The following SLC25A21 variants were observed in gnomAD, a reference collection of about 807,000 sequenced individuals.
SLC25A21 encodes mitochondrial 2-oxodicarboxylate carrier.
Under a neutral mutation model 43.8 loss-of-function variants are expected in SLC25A21, and 47 were observed. That is an observed-to-expected ratio of 1.07 (90% CI 0.85 to 1.37). SLC25A21 has a LOEUF of 1.37. Among genes scored for constraint, SLC25A21 ranks in the 40% most tolerant of loss-of-function variants. The pLI is 0.00. For missense variants in SLC25A21, 352 were observed against 350.2 expected (o/e 1.00, Z -0.04); for synonymous variants, 131 against 121.3 (o/e 1.08, Z -0.52).
intron 1 of SLC25A21, among the ~76,000 whole-genome samples, chr14:37,160,965 G>A (rs1354434606): frequency 9.1e-6 from 1 of 110,010 alleles, no homozygotes; most frequent in Non-Finnish European, 1.8e-5. Flanking sequence ...AGGAGGAGGA[G>A]GAGAAAGAGG....
intron 1 of SLC25A21, among the ~76,000 whole-genome samples, chr14:37,127,537 C>T (rs763420063): frequency 7.9e-5 from 12 of 152,082 alleles, no homozygotes; most frequent in South Asian, 2.1e-4. Context: ...TAGTCAATGG[C>T]GAAAGCTCGA....
At chr14:36,714,437 A>C (rs1288356308) in intron 6 of SLC25A21, among the ~76,000 whole-genome samples, 1 of 152,196 alleles carries the variant, frequency 6.6e-6, no homozygotes, top group Non-Finnish European at 1.5e-5. Flanking sequence ...TGCCTCACCC[A>C]GGAGCTTTCC....
At chr14:36,882,348 A>C (rs959601696) in intron 1 of SLC25A21, among the ~76,000 whole-genome samples, 3 of 152,176 alleles carry the variant, frequency 2.0e-5, no homozygotes, top group African/African-American at 7.2e-5. Context: ...ATGTCACTGC[A>C]CTCTAGCCTG....
chr14:36,820,107 G>A lies in SLC25A21; in HGVS notation c.120-6106C>T, dbSNP rs1888577695. On this transcript the variant is annotated intron_variant, in intron 2 of 9. Coordinates refer to ENST00000331299, the MANE Select transcript of SLC25A21 (RefSeq NM_030631.4). ...GAAGCCATTCCAAGCCACCCCTTTG[G>A]CACTGCCACCAATCCCTAAGCAAAC... 3.9e-5 allele frequency among the ~76,000 whole-genome samples: 6 copies of A among 152,208 alleles called. No individual in the cohort carries two copies. The South Asian group carries it at 1.0e-3, about 26-fold the overall frequency.
intron 1 of SLC25A21, among the ~76,000 whole-genome samples, chr14:36,877,192 G>A (rs1240659672): frequency 6.6e-6 from 1 of 151,964 alleles, no homozygotes; most frequent in African/African-American, 2.4e-5. Context: ...TGACATTAGA[G>A]TAGAAGCAAA....
At chr14:37,022,082 T>C (rs1391907276) in intron 1 of SLC25A21, among the ~76,000 whole-genome samples, 1 of 151,844 alleles carries the variant, frequency 6.6e-6, no homozygotes, top group Non-Finnish European at 1.5e-5. Flanking sequence ...AGGATTCATA[T>C]GCCTTTATTA....
intron 1 of SLC25A21, among the ~76,000 whole-genome samples, chr14:36,969,671 T>G (rs139140379): frequency 6.6e-6 from 1 of 151,632 alleles, no homozygotes; most frequent in East Asian, 1.9e-4. Context: ...AAAAAAAAAT[T>G]TATGGAGATG....
chr14:37,111,981 A>G (rs1036254126), intron 1 of SLC25A21, among the ~76,000 whole-genome samples: 1 of 152,222 alleles, frequency 6.6e-6, no homozygotes, highest in Non-Finnish European at 1.5e-5. Flanking sequence ...GTTTTGCACC[A>G]ATAATGATTC....
intron 1 of SLC25A21, among the ~76,000 whole-genome samples, chr14:37,138,468 T>G (rs1271709648): frequency 6.6e-6 from 1 of 152,148 alleles, no homozygotes; most frequent in Non-Finnish European, 1.5e-5. Flanking sequence ...CCATGTTTTC[T>G]TCAATTAAAA....
chr14:36,844,892 G>A (rs149669303), intron 2 of SLC25A21, among the ~76,000 whole-genome samples: 1 of 152,282 alleles, frequency 6.6e-6, no homozygotes, highest in African/African-American at 2.4e-5. Context: ...CTTTAGCTGG[G>A]ACACAGCAAG....
At chr14:37,161,414 C>T (rs1176235139) in intron 1 of SLC25A21, among the ~76,000 whole-genome samples, 1 of 152,044 alleles carries the variant, frequency 6.6e-6, no homozygotes, top group Non-Finnish European at 1.5e-5. Context: ...AACACAGGAC[C>T]ATAGCTTGAG....
intron 1 of SLC25A21, among the ~76,000 whole-genome samples, chr14:37,138,819 T>C (rs970581308): frequency 6.6e-6 from 1 of 152,174 alleles, no homozygotes; most frequent in Non-Finnish European, 1.5e-5. Flanking sequence ...GTTTATATTC[T>C]ATCCTAAAAA....
chr14:37,172,024 G>A, intron 1 of SLC25A21: 1 of 536,612 alleles, frequency 1.9e-6, no homozygotes. Flanking sequence ...TTACAGGCTA[G>A]GAACGGACAA....
chr14:37,109,671 G>A (rs2138875631), intron 1 of SLC25A21, among the ~76,000 whole-genome samples: 1 of 152,242 alleles, frequency 6.6e-6, no homozygotes, highest in East Asian at 1.9e-4. Flanking sequence ...CTAATTAACT[G>A]CCCATGCACA....
chr14:37,147,041 C>T (rs1327827740), intron 1 of SLC25A21, among the ~76,000 whole-genome samples: 1 of 152,138 alleles, frequency 6.6e-6, no homozygotes, highest in African/African-American at 2.4e-5. Context: ...CACCAACCAT[C>T]CATTTATTCA....
chr14:37,091,252 G>C (rs1962579540), intron 1 of SLC25A21, among the ~76,000 whole-genome samples: 1 of 152,072 alleles, frequency 6.6e-6, no homozygotes, highest in African/African-American at 2.4e-5. Context: ...GGCTAACATG[G>C]TGAAACACCA....
At chr14:36,817,224 A>AG (rs397748868) in intron 2 of SLC25A21, among the ~76,000 whole-genome samples, 1 of 151,870 alleles carries the variant, frequency 6.6e-6, no homozygotes. Flanking sequence ...TGAAAAAAAA[A>AG]CCTATATAAG....
chr14:36,719,245 T>C (rs564751480), intron 6 of SLC25A21, among the ~76,000 whole-genome samples: 2 of 152,166 alleles, frequency 1.3e-5, no homozygotes, highest in Non-Finnish European at 2.9e-5. Context: ...TTCTTATAAA[T>C]ATACAGATAA....
At chr14:36,973,963 A>G (rs1322348714) in intron 1 of SLC25A21, among the ~76,000 whole-genome samples, 3 of 152,242 alleles carry the variant, frequency 2.0e-5, no homozygotes, top group Non-Finnish European at 2.9e-5. Flanking sequence ...GAAGTCAGCT[A>G]AGAACGGCTA....
Sources: gnomAD v4.1 joint callset for allele counts (sites outside exome capture counted in the v4.1 genomes callset) on GRCh38, gnomAD v4.1.1 for gene constraint, MANE v1.5 for transcripts, NCBI Gene and HGNC (gene_info 2026-07-23, HGNC 2026-07-21) for gene names.